The following RPS6KB1 variants were observed in gnomAD, a reference collection of about 807,000 sequenced individuals.
The protein encoded by RPS6KB1 is ribosomal protein S6 kinase B1.
Under a neutral mutation model 70.2 loss-of-function variants are expected in RPS6KB1, and 12 were observed. That is an observed-to-expected ratio of 0.17 (90% CI 0.11 to 0.28). RPS6KB1 has a LOEUF of 0.28. Ranked by LOEUF, RPS6KB1 falls within the 10% of genes least tolerant of loss-of-function variation. RPS6KB1 has a pLI of 1.00. For missense variants in RPS6KB1, 270 were observed against 646.6 expected, an observed-to-expected ratio of 0.42 and a Z score of 6.32; for synonymous variants, 175 against 211.2, an observed-to-expected ratio of 0.83 and a Z score of 1.49.
At chr17:59,904,744 T>C (rs2042166041) in intron 1 of RPS6KB1, among the ~76,000 whole-genome samples, 2 of 149,836 alleles carry the variant, frequency 1.3e-5, no homozygotes, top group Admixed American at 1.3e-4. Flanking sequence ...TTGCCCAGGC[T>C]GGAGTGCAGT....
intron 2 of RPS6KB1, among the ~76,000 whole-genome samples, chr17:59,910,864 G>T (rs933350339): frequency 6.6e-6 from 1 of 152,130 alleles, no homozygotes; most frequent in African/African-American, 2.4e-5. Flanking sequence ...TGAGTTGTTA[G>T]TTTAAAGAGC....
Position 59,947,519 on chromosome 17 carries a change from C to T in RPS6KB1, c.*731C>T, listed in dbSNP as rs2044995590. The T allele has an allele frequency of 6.6e-7, 1 of 1,523,264 alleles. No individual in the cohort carries two copies. The highest frequency in any genetic ancestry group is 8.8e-7 in the Non-Finnish European group (1 of 1,131,030). 94.4% of individuals were successfully genotyped at this position (1,523,264 alleles called of 1,614,324 possible). A position where few individuals can be genotyped will look rare whatever the true frequency, so the allele number is the denominator to read the frequency against. Reference sequence around the variant, plus strand: ...GGACCTGGGGTTTATTTTCAGTAACCCAGCTGCAATACCTGTCTGTAATAT... The same window carrying T: ...GGACCTGGGGTTTATTTTCAGTAACTCAGCTGCAATACCTGTCTGTAATAT... On this transcript the variant is annotated 3_prime_UTR_variant, in exon 15 of 15. Coordinates refer to ENST00000225577, the MANE Select transcript of RPS6KB1 (RefSeq NM_003161.4).
chr17:59,900,475 C>G (rs1262695553), intron 1 of RPS6KB1, among the ~76,000 whole-genome samples: 1 of 152,048 alleles, frequency 6.6e-6, no homozygotes, highest in African/African-American at 2.4e-5. Flanking sequence ...AAGCGATTCT[C>G]TTTCCTCAGC....
At chr17:59,899,938 A>G (rs747599453) in intron 1 of RPS6KB1, among the ~76,000 whole-genome samples, 2 of 151,958 alleles carry the variant, frequency 1.3e-5, no homozygotes, top group Non-Finnish European at 2.9e-5. Flanking sequence ...GCTAAGGTGG[A>G]AGGATCATTT....
At chr17:59,912,553 TA>T in intron 2 of RPS6KB1, 130 bp from the exon 3 acceptor site, 3 of 847,238 alleles carry the variant, frequency 3.5e-6, no homozygotes, top group Middle Eastern at 2.9e-4. Flanking sequence ...AGAGCACAAA[TA>T]ATTTGGTGTC....
intron 7 of RPS6KB1, among the ~76,000 whole-genome samples, chr17:59,932,121 T>C (rs920138996): frequency 4.6e-5 from 7 of 152,106 alleles, no homozygotes; most frequent in African/African-American, 1.7e-4. Flanking sequence ...TATGTAAATA[T>C]TGGCTGGGCA....
intron 4 of RPS6KB1, among the ~76,000 whole-genome samples, chr17:59,915,086 T>C (rs1189173731): frequency 1.3e-5 from 2 of 151,954 alleles, no homozygotes; most frequent in African/African-American, 4.8e-5. Flanking sequence ...CCTCCCGGGT[T>C]CAGGTAATTC....
At chr17:59,936,715 T>C (rs1375263230) in intron 12 of RPS6KB1, among the ~76,000 whole-genome samples, 174 bp downstream of exon 12, 1 of 152,220 alleles carries the variant, frequency 6.6e-6, no homozygotes, top group Non-Finnish European at 1.5e-5. Context: ...GTGTGGCGGC[T>C]TGTGCCTGTA....
At chr17:59,937,312 C>T (rs1292409437) in intron 12 of RPS6KB1, among the ~76,000 whole-genome samples, 2 of 152,082 alleles carry the variant, frequency 1.3e-5, no homozygotes, top group Admixed American at 1.3e-4. Flanking sequence ...CTTAATTTAA[C>T]CATTTTAAAT....
intron 13 of RPS6KB1, among the ~76,000 whole-genome samples, chr17:59,941,535 C>G (rs529338430): frequency 3.9e-5 from 6 of 151,918 alleles, no homozygotes; most frequent in Non-Finnish European, 7.4e-5. Context: ...TACTCCTGGA[C>G]TCAAGCTATC....
chr17:59,943,663 G>A (rs189494071), intron 13 of RPS6KB1, among the ~76,000 whole-genome samples: 1 of 151,864 alleles, frequency 6.6e-6, no homozygotes, highest in Non-Finnish European at 1.5e-5. Context: ...CGGATCACAA[G>A]GTCAGGAGTT....
chr17:59,934,583 G>A lies in RPS6KB1; in HGVS notation c.870+59G>A, dbSNP rs1435185631. On this transcript the variant is annotated intron_variant, in intron 9 of 14. Transcript: ENST00000225577. The surrounding 1 kb of genome is among the most constrained non-coding windows in gnomAD (Gnocchi z 4.8). ...GGTCTGTGCTGAGTCACTATAGCAA[G>A]AGACCTGTCCTGTGCTTTCTGAACA... is the stretch of plus-strand genomic sequence containing the variant. 2.3e-6 allele frequency: 3 copies of A among 1,288,920 alleles called. No individual in the cohort carries two copies. Among genetic ancestry groups the A allele is most frequent in the Non-Finnish European group, 3.4e-6 (3 of 889,896 alleles). 79.8% of individuals were successfully genotyped at this position (1,288,920 alleles called of 1,614,324 possible).
At position 59,940,938 on chromosome 17, in the gene RPS6KB1, T is replaced by C; in HGVS notation, c.1222T>C (p.Phe408Leu). The C allele has an allele frequency of 6.3e-7, 1 of 1,588,830 alleles. No individual in the cohort carries two copies. The highest frequency in any genetic ancestry group is 2.2e-5 in the East Asian group (1 of 44,804). Residue 408 changes from phenylalanine to leucine, a missense_variant, in exon 13 of 15, where the codon TTT (phenylalanine) becomes CTT (leucine). This residue lies in a region of RPS6KB1 where 133 missense variants were observed against 314.7 expected (regional missense o/e 0.42). Transcript: ENST00000225577. ...STLSESANQV[F>L]LGFTYVAPSV... ...TCTCAGTGAAAGTGCCAATCAGGTC[T>C]TTCTGGTAAGTGAAAGAATTTCCAT...
intron 13 of RPS6KB1, 51 bp downstream of exon 13, chr17:59,940,994 G>A (rs748262630): frequency 1.7e-6 from 2 of 1,162,404 alleles, no homozygotes; most frequent in Non-Finnish European, 2.5e-6. Flanking sequence ...TGTGAGGATG[G>A]GCTCTTCAAA....
At chr17:59,898,562 T>G (rs1167421222) in intron 1 of RPS6KB1, among the ~76,000 whole-genome samples, 2 of 151,996 alleles carry the variant, frequency 1.3e-5, no homozygotes, top group Non-Finnish European at 2.9e-5. Flanking sequence ...CAAGCTATTC[T>G]CCTGCCTCAG....
chr17:59,909,296 C>T (rs1480384433), intron 1 of RPS6KB1, among the ~76,000 whole-genome samples: 1 of 93,028 alleles, frequency 1.1e-5, no homozygotes, highest in Admixed American at 1.7e-4. Context: ...GAGATGGAGT[C>T]TTGCTCTGTT....
At chr17:59,945,375 C>T (rs764157991) in intron 13 of RPS6KB1, 31 bp from the exon 14 acceptor site, 24 of 1,204,286 alleles carry the variant, frequency 2.0e-5, no homozygotes, top group Non-Finnish European at 2.8e-5. Context: ...GACAAAATGC[C>T]ATTCTGTAGT....
chr17:59,941,949 C>T (rs547143764), intron 13 of RPS6KB1, among the ~76,000 whole-genome samples: 1 of 151,830 alleles, frequency 6.6e-6, no homozygotes, highest in East Asian at 1.9e-4. Flanking sequence ...AGCTCCACCT[C>T]CCGGGTTCAC....
chr17:59,906,013 T>C (rs945974631), intron 1 of RPS6KB1, among the ~76,000 whole-genome samples: 1 of 152,166 alleles, frequency 6.6e-6, no homozygotes, highest in Admixed American at 6.6e-5. Flanking sequence ...GAGTTAATTT[T>C]TGTGTATAGT....
Sources: gnomAD v4.1 joint callset for allele counts (sites outside exome capture counted in the v4.1 genomes callset) on GRCh38, gnomAD v4.1.1 for gene constraint, gnomAD v4.1.1 regional missense constraint, Gnocchi (gnomAD v3.1) non-coding constraint, MANE v1.5 for transcripts, NCBI Gene and HGNC (gene_info 2026-07-23, HGNC 2026-07-21) for gene names.